Variants in EIF5B observed in about 807,000 individuals in gnomAD.
The protein encoded by EIF5B is eIF-5B.
EIF5B carries 47 observed loss-of-function variants against 147.5 expected under a neutral mutation model. The ratio of observed to expected loss-of-function variants is 0.32; its 90% CI spans 0.25 to 0.41. The LOEUF (loss-of-function observed/expected upper bound fraction) is 0.41, where lower values mean the gene tolerates loss of function less well. Among genes scored for constraint, EIF5B ranks in the 10% least tolerant of loss-of-function variants. The probability of loss-of-function intolerance (pLI) is 1.00; values close to 1 mark genes in which losing one functional copy is unlikely to be tolerated. For synonymous variants in EIF5B, 455 were observed against 456.2 expected, an observed-to-expected ratio of 1.00 and a Z score of 0.03; for missense variants, 1,064 against 1,413.2, an observed-to-expected ratio of 0.75 and a Z score of 3.96.
At chr2:99,377,427 G>T (rs576999552) in intron 10 of EIF5B, among the ~76,000 whole-genome samples, 1 of 151,176 alleles carries the variant, frequency 6.6e-6, no homozygotes, top group African/African-American at 2.4e-5. Context: ...TGTTGTTGGG[G>T]ACAGGGACTG....
chr2:99,358,864 A>G lies in EIF5B; in HGVS notation c.36-1372A>G, dbSNP rs368808806. Among the ~76,000 whole-genome samples, 68 of 152,314 alleles carry G rather than the reference A, an allele frequency of 4.5e-4. 1 individual carries two copies. In the East Asian group the frequency reaches 7.9e-3, roughly 18 times the overall value. On this transcript the variant is annotated intron_variant, in intron 1 of 23. Transcript: ENST00000289371. ...TTATCTAAAATGTAGGAAGAAAAGG[A>G]GCACATTTCAATTCTGGCCAACTAT... is the stretch of plus-strand genomic sequence containing the variant.
At chr2:99,347,845 C>A (rs1453239874) in intron 1 of EIF5B, among the ~76,000 whole-genome samples, 1 of 151,990 alleles carries the variant, frequency 6.6e-6, no homozygotes, top group Non-Finnish European at 1.5e-5. Context: ...GTAAACAAAA[C>A]CTTGGGTTGC....
chr2:99,371,789 A>G (rs375114994), intron 9 of EIF5B, 59 bp downstream of exon 9: 2 of 1,439,468 alleles, frequency 1.4e-6, no homozygotes, highest in African/African-American at 1.4e-5. Context: ...TGAATGATAT[A>G]TATTTAAATG....
chr2:99,337,715 G>A (rs1370903148), intron 1 of EIF5B, 126 bp downstream of exon 1: 1 of 1,259,744 alleles, frequency 7.9e-7, no homozygotes, highest in Non-Finnish European at 1.1e-6. Context: ...CCAGGCCTGG[G>A]CCCAGAGTGT....
At chr2:99,380,753 GTC>G (rs1353644537) in intron 12 of EIF5B, among the ~76,000 whole-genome samples, 4 of 152,128 alleles carry the variant, frequency 2.6e-5, no homozygotes, top group Admixed American at 2.6e-4. Flanking sequence ...CTATGAGTTT[GTC>G]TCTCCAGTTT....
At chr2:99,392,461 G>T (rs1269067843) in intron 17 of EIF5B, among the ~76,000 whole-genome samples, 1 of 152,188 alleles carries the variant, frequency 6.6e-6, no homozygotes, top group Non-Finnish European at 1.5e-5. Context: ...TACAGTGGGT[G>T]TAACAAATTA....
In EIF5B at chr2:99,361,740, C is replaced by A; in HGVS notation, c.839C>A (p.Thr280Asn). The change falls in exon 4 of 24, where the codon ACT (threonine) becomes AAT (asparagine). Residue 280 changes from threonine (T) to asparagine (N), a missense_variant. This residue lies in a region of EIF5B where 458 missense variants were observed against 451.3 expected (regional missense o/e 1.01). Coordinates refer to ENST00000289371, the MANE Select transcript of EIF5B (RefSeq NM_015904.4). ...KESQRKFEEETVKSKVTVDTG... is the reference protein window; with the variant it reads ...KESQRKFEEENVKSKVTVDTG... ...TCTCAAAGGAAATTTGAAGAAGAAACTGTAAAATCCAAAGTGACTGTTGAT... is the reference window on the plus strand; with the variant it reads ...TCTCAAAGGAAATTTGAAGAAGAAAATGTAAAATCCAAAGTGACTGTTGAT... 6.3e-7 allele frequency: 1 copy of A among 1,593,234 alleles called. No individual in the cohort carries two copies. The highest frequency in any genetic ancestry group is 8.5e-7 in the Non-Finnish European group (1 of 1,175,122).
intron 14 of EIF5B, among the ~76,000 whole-genome samples, chr2:99,384,464 C>T (rs114356805): frequency 0.013 from 1,961 of 152,258 alleles, 43 homozygotes; most frequent in African/African-American, 0.045. Context: ...GCTCATGGAT[C>T]AAGGAGTGTT....
intron 21 of EIF5B, among the ~76,000 whole-genome samples, chr2:99,395,810 G>A (rs953554504): frequency 2.0e-5 from 3 of 152,210 alleles, no homozygotes; most frequent in African/African-American, 4.8e-5. Flanking sequence ...GGAGTGTCCA[G>A]AGAGAACAGC....
intron 23 of EIF5B, 189 bp downstream of exon 23, chr2:99,399,098 A>G (rs917381110): frequency 3.7e-6 from 3 of 815,402 alleles, no homozygotes; most frequent in Admixed American, 5.8e-5. Context: ...AAGCAGCACC[A>G]ACAGAGAAAG....
At chr2:99,386,484 T>TGTGTG (rs1225290459) in intron 14 of EIF5B, among the ~76,000 whole-genome samples, 1 of 151,146 alleles carries the variant, frequency 6.6e-6, no homozygotes, top group Non-Finnish European at 1.5e-5. Context: ...TGTGTGTGTG[T>TGTGTG]GTGTGTGTGT....
At chr2:99,349,447 G>T (rs1467061347) in intron 1 of EIF5B, among the ~76,000 whole-genome samples, 1 of 152,210 alleles carries the variant, frequency 6.6e-6, no homozygotes, top group Non-Finnish European at 1.5e-5. Context: ...ATTTGTACAT[G>T]AGGTTAATTT....
chr2:99,342,856 G>T (rs181674744), intron 1 of EIF5B, among the ~76,000 whole-genome samples: 3 of 152,152 alleles, frequency 2.0e-5, no homozygotes, highest in Non-Finnish European at 2.9e-5. Context: ...CTGGTCTTCA[G>T]CTCCTGGCCT....
intron 22 of EIF5B, 114 bp from the exon 23 acceptor site, chr2:99,398,634 C>A: frequency 8.7e-7 from 1 of 1,151,452 alleles, no homozygotes; most frequent in Non-Finnish European, 1.2e-6. Flanking sequence ...GATCGCACTG[C>A]CATGACTTTT....
chr2:99,389,562 CAG>C, intron 14 of EIF5B, 154 bp from the exon 15 acceptor site: 1 of 526,414 alleles, frequency 1.9e-6, no homozygotes, highest in South Asian at 6.2e-5. Context: ...TGCCGATAAG[CAG>C]TCTGAAAGGA....
intron 22 of EIF5B, chr2:99,397,934 T>G (rs889204477): frequency 2.0e-5 from 3 of 151,444 alleles, no homozygotes. Flanking sequence ...TCAGTGGGTT[T>G]TTTTTTTTTT....
At chr2:99,353,005 C>CTTCTTTTTT (rs1674009425) in intron 1 of EIF5B, among the ~76,000 whole-genome samples, 2 of 62,848 alleles carry the variant, frequency 3.2e-5, no homozygotes, top group Non-Finnish European at 5.5e-5. Flanking sequence ...TCTTCTTCTT[C>CTTCTTTTTT]TTTTTTTTTT....
intron 4 of EIF5B, among the ~76,000 whole-genome samples, chr2:99,362,454 C>T (rs1330828137): frequency 6.6e-6 from 1 of 152,108 alleles, no homozygotes; most frequent in African/African-American, 2.4e-5. Flanking sequence ...CCTATAATCC[C>T]AGCACTTTGG....
intron 1 of EIF5B, among the ~76,000 whole-genome samples, chr2:99,353,777 TATATATGACC>T (rs1674035173): frequency 2.6e-5 from 4 of 152,210 alleles, no homozygotes; most frequent in African/African-American, 9.7e-5. Context: ...GAATTAAGTA[TATATATGACC>T]TTTTGAGGTT....
Sources: gnomAD v4.1 joint callset for allele counts (sites outside exome capture counted in the v4.1 genomes callset) on GRCh38, gnomAD v4.1.1 for gene constraint, gnomAD v4.1.1 regional missense constraint, MANE v1.5 for transcripts, NCBI Gene and HGNC (gene_info 2026-07-23, HGNC 2026-07-21) for gene names.